CRELD2: variants seen among roughly 807,000 people sequenced by gnomAD.
CRELD2 encodes protein disulfide isomerase CRELD2.
In CRELD2, 33 loss-of-function variants were observed where a neutral mutation model predicts 48.1. The observed-to-expected ratio is 0.69, with a 90% CI of 0.52 to 0.92. CRELD2 has a LOEUF of 0.92. Among genes scored for constraint, CRELD2 ranks in the 40% least tolerant of loss-of-function variants. The probability of loss-of-function intolerance (pLI) is 0.00; values close to 1 mark genes in which losing one functional copy is unlikely to be tolerated. For synonymous variants in CRELD2, 220 were observed against 203.9 expected (o/e 1.08, Z -0.67); for missense variants, 477 against 482.4 (o/e 0.99, Z 0.10).
intron 2 of CRELD2, 21 bp downstream of exon 2, chr22:49,919,333 C>G (rs765659540): frequency 6.2e-7 from 1 of 1,605,878 alleles, no homozygotes. Context: ...TGGAGCACCC[C>G]TGTGGGTCTT....
chr22:49,925,187 G>A (rs898556995), intron 8 of CRELD2: 29 of 395,014 alleles, frequency 7.3e-5, no homozygotes, highest in Non-Finnish European at 1.0e-4. Flanking sequence ...CTGGCCTTCC[G>A]GCCCCACCTG....
At chr22:49,925,587 C>T in intron 9 of CRELD2, 30 bp downstream of exon 9, 2 of 1,611,616 alleles carry the variant, frequency 1.2e-6, no homozygotes, top group Non-Finnish European at 1.7e-6. Context: ...TCCACACAGG[C>T]TGCCCTCCCC....
chr22:49,920,758 T>C (rs2060677078), intron 4 of CRELD2, among the ~76,000 whole-genome samples: 1 of 152,222 alleles, frequency 6.6e-6, no homozygotes, highest in South Asian at 2.1e-4. Flanking sequence ...GTTTACTGTT[T>C]ATAAAAGCCA....
Position 49,918,877 on chromosome 22 carries a change from G to A in CRELD2, c.108G>A (p.Gly36=). Residue 36 remains glycine (G), a synonymous_variant, in exon 1 of 10, where the codon GGG becomes GGA. Coordinates refer to ENST00000328268, the MANE Select transcript of CRELD2 (RefSeq NM_024324.5). ...KKPTPCHRCR[G]LVDKFNQGMV... ...CGACGCCCTGCCACCGGTGCCGGGGGCTGGTGGACAAGTTTAACCAGGTGG... is the reference window on the plus strand; with the variant it reads ...CGACGCCCTGCCACCGGTGCCGGGGACTGGTGGACAAGTTTAACCAGGTGG... 1 of 1,299,530 alleles carries A rather than the reference G, an allele frequency of 7.7e-7. No homozygotes were observed. Among genetic ancestry groups the A allele is most frequent in the East Asian group, 3.1e-5 (1 of 32,122 alleles). The allele number at this position is 1,299,530 out of a possible 1,614,324, so 80.5% of individuals were successfully genotyped here.
chr22:49,921,838 T>C (rs2060691270), intron 5 of CRELD2, 77 bp downstream of exon 5: 1 of 1,457,630 alleles, frequency 6.9e-7, no homozygotes, highest in East Asian at 2.3e-5. Flanking sequence ...CCTGCCTAGA[T>C]GGGAACAGGG....
chr22:49,921,402 C>G, intron 4 of CRELD2, 183 bp from the exon 5 acceptor site: 1 of 641,380 alleles, frequency 1.6e-6, no homozygotes, highest in Non-Finnish European at 2.6e-6. Flanking sequence ...TCCACTCAGG[C>G]GATCCACCGC....
chr22:49,925,270 C>G (rs2060748461), intron 8 of CRELD2, 147 bp from the exon 9 acceptor site: 4 of 621,826 alleles, frequency 6.4e-6, no homozygotes, highest in Non-Finnish European at 1.1e-5. Flanking sequence ...CTCTCGAAGC[C>G]TTTCCTGATC....
Position 49,927,321 on chromosome 22 carries a change from C to A in CRELD2, c.*14C>A, listed in dbSNP as rs746748896. 1 of 1,608,262 alleles carries A rather than the reference C, an allele frequency of 6.2e-7. No individual in the cohort carries two copies. Among genetic ancestry groups the A allele is most frequent in the East Asian group, 2.2e-5 (1 of 44,846 alleles). ...GAAGACCTGTAATGTGCCGGACTTA[C>A]CCTTTAAATTATTCAGAAGGATGTC... On this transcript the variant is annotated 3_prime_UTR_variant, in exon 10 of 10. Transcript: ENST00000328268.
chr22:49,920,820 C>T (rs958162974), intron 4 of CRELD2, among the ~76,000 whole-genome samples: 1 of 152,236 alleles, frequency 6.6e-6, no homozygotes, highest in East Asian at 1.9e-4. Context: ...TCAGACCCCC[C>T]ACCCGCCCAC....
chr22:49,921,377 G>A (rs968063980), intron 4 of CRELD2: 1 of 581,452 alleles, frequency 1.7e-6, no homozygotes, highest in Non-Finnish European at 3.0e-6. Flanking sequence ...TGAAGCCCAG[G>A]AGCCTGTGGC....
In CRELD2 at chr22:49,918,735, A is replaced by AGC; in HGVS notation, c.-34_-33dup. The AGC allele has an allele frequency of 1.2e-6, 1 of 862,156 alleles. No homozygotes were observed. The highest frequency in any genetic ancestry group is 1.6e-6 in the Non-Finnish European group (1 of 643,342). 53.4% of individuals were successfully genotyped at this position (862,156 alleles called of 1,614,324 possible). A position where few individuals can be genotyped will look rare whatever the true frequency, so the allele number is the denominator to read the frequency against. On this transcript the variant is annotated 5_prime_UTR_variant, in exon 1 of 10. Coordinates refer to ENST00000328268, the MANE Select transcript of CRELD2 (RefSeq NM_024324.5). ...GGAGCAGCACGGCCGCAGGACCTGG[A>AGC]GCTCCGGCTGCGTCTTCCCGCAGCG...
intron 4 of CRELD2, 97 bp from the exon 5 acceptor site, chr22:49,921,488 T>C: frequency 7.9e-7 from 1 of 1,259,856 alleles, no homozygotes; most frequent in Non-Finnish European, 1.1e-6. Flanking sequence ...GTCCTCAGAA[T>C]CGTACAGGGT....
Position 49,925,525 on chromosome 22 carries a change from C to A in CRELD2, c.977C>A (p.Thr326Lys). 6.2e-7 allele frequency: 1 copy of A among 1,613,876 alleles called. No homozygotes were observed. The highest frequency in any genetic ancestry group is 8.5e-7 in the Non-Finnish European group (1 of 1,180,014). ...GTGTGTCCTGACGGCTTCGAAGAAA[C>A]GGAAGATGCCTGTGTGCCGCCGGCA... ...VCVCPDGFEE[T>K]EDACVPPAEA... Residue 326 changes from threonine (T) to lysine (K), a missense_variant, in exon 9 of 10, where the codon ACG becomes AAG. Coordinates refer to ENST00000328268, the MANE Select transcript of CRELD2 (RefSeq NM_024324.5).
At chr22:49,919,110 C>A in intron 1 of CRELD2, 120 bp from the exon 2 acceptor site, 3 of 1,089,192 alleles carry the variant, frequency 2.8e-6, no homozygotes, top group Admixed American at 1.8e-5. Flanking sequence ...CCACCCCCAC[C>A]GTGGAACCAG....
At position 49,927,443 on chromosome 22, in the gene CRELD2, T is replaced by TAG; in HGVS notation, c.*137_*138insGA. ...TAACGGTTGATTCTCATTTGTCCCT[T>TAG]AAACAGCTGCATTTCTTGGTTGTTC... On this transcript the variant is annotated 3_prime_UTR_variant, in exon 10 of 10. Transcript: ENST00000328268. 1.4e-6 allele frequency: 1 copy of TAG among 705,270 alleles called. No homozygotes were observed. Among genetic ancestry groups the TAG allele is most frequent in the South Asian group, 1.6e-5 (1 of 62,504 alleles). The allele number at this position is 705,270 out of a possible 1,614,324, so 43.7% of individuals were successfully genotyped here.
At position 49,924,464 on chromosome 22, in the gene CRELD2, C is replaced by CG; in HGVS notation, c.868+13dup. ...GCACGGACAGTGTGCAGGTCAGTGA[C>CG]GGGGTCTGTGCTGGACGCTGGTGGA... On this transcript the variant is annotated intron_variant, in intron 8 of 9. Coordinates refer to ENST00000328268, the MANE Select transcript of CRELD2 (RefSeq NM_024324.5). 6.3e-7 allele frequency: 1 copy of CG among 1,590,092 alleles called. No individual in the cohort carries two copies. Among genetic ancestry groups the CG allele is most frequent in the Non-Finnish European group, 8.6e-7 (1 of 1,165,300 alleles).
At chr22:49,925,243 A>G in intron 8 of CRELD2, 174 bp from the exon 9 acceptor site, 2 of 528,392 alleles carry the variant, frequency 3.8e-6, no homozygotes, top group Admixed American at 3.7e-5. Context: ...CCCAACTTGG[A>G]GACGTGAAAT....
intron 6 of CRELD2, 37 bp from the exon 7 acceptor site, chr22:49,923,197 G>T: frequency 6.6e-7 from 1 of 1,517,414 alleles, no homozygotes. Context: ...TGGCCGGGCT[G>T]TCCTGGGCCG....
In CRELD2 at chr22:49,927,312, C is replaced by T. The variant is rs1192704811; in HGVS notation, c.*5C>T. ...CCCTCCCGCGAAGACCTGTAATGTG[C>T]CGGACTTACCCTTTAAATTATTCAG... On this transcript the variant is annotated 3_prime_UTR_variant, in exon 10 of 10. Transcript: ENST00000328268. 7 of 1,609,698 alleles carry T rather than the reference C, an allele frequency of 4.3e-6. No individual in the cohort carries two copies.
Sources: gnomAD v4.1 joint callset for allele counts (sites outside exome capture counted in the v4.1 genomes callset) on GRCh38, gnomAD v4.1.1 for gene constraint, MANE v1.5 for transcripts, NCBI Gene and HGNC (gene_info 2026-07-23, HGNC 2026-07-21) for gene names.